Variants in PRELID2 observed in about 807,000 individuals in gnomAD.
The protein encoded by PRELID2 is PRELI domain-containing protein 2.
In PRELID2, 25 loss-of-function variants were observed where a neutral mutation model predicts 28.4. The ratio of observed to expected loss-of-function variants is 0.88; its 90% CI spans 0.64 to 1.23. The LOEUF (loss-of-function observed/expected upper bound fraction) is 1.23, where lower values mean the gene tolerates loss of function less well. Ranked by LOEUF, PRELID2 falls within the 50% of genes most tolerant of loss-of-function variation. The probability of loss-of-function intolerance (pLI) is 0.00; values close to 1 mark genes in which losing one functional copy is unlikely to be tolerated. For missense variants in PRELID2, 201 were observed against 214.4 expected, an observed-to-expected ratio of 0.94 and a Z score of 0.39; for synonymous variants, 76 against 71.6, an observed-to-expected ratio of 1.06 and a Z score of -0.31.
At chr5:145,313,478 C>T in the PRELID2 span, among the ~76,000 whole-genome samples, 1 of 152,302 alleles carries the variant, frequency 6.6e-6, no homozygotes, top group Admixed American at 6.5e-5. Context: ...AAAACCTGTT[C>T]ACCTTAGAAT....
chr5:145,279,599 T>C, the PRELID2 span, among the ~76,000 whole-genome samples: 1 of 152,292 alleles, frequency 6.6e-6, no homozygotes, highest in African/African-American at 2.4e-5. Flanking sequence ...GTGCCTAAAA[T>C]TAACATTATA....
chr5:145,797,380 C>T (rs1164689871), intron 4 of PRELID2, among the ~76,000 whole-genome samples: 4 of 152,106 alleles, frequency 2.6e-5, no homozygotes, highest in Non-Finnish European at 5.9e-5. Context: ...CTCCCTCCCA[C>T]CCAGCATAGT....
intron 1 of PRELID2, among the ~76,000 whole-genome samples, chr5:145,833,447 G>A (rs1022731517): frequency 5.9e-5 from 9 of 152,180 alleles, no homozygotes; most frequent in Non-Finnish European, 1.3e-4. Context: ...GGTGTTGGCT[G>A]TTACTTTTTG....
rs138935114 is a variant in PRELID2, at chr5:145,688,419, G to T, written n.70+76512C>A. Among the ~76,000 whole-genome samples, 69 of 152,286 alleles carry T rather than the reference G, an allele frequency of 4.5e-4. No homozygotes were observed. The East Asian group carries it at 0.013, about 28-fold the overall frequency. Reference sequence around the variant, plus strand: ...GAAAGCATGGAAATTTTCTAAGGAAGTCCTCGTCAAATATTTATTCAGCTA... The same window carrying T: ...GAAAGCATGGAAATTTTCTAAGGAATTCCTCGTCAAATATTTATTCAGCTA... On this transcript the variant is annotated intron_variant and non_coding_transcript_variant, in intron 1 of 2. Transcript: ENST00000510259.
chr5:145,434,477 C>T, the PRELID2 span, among the ~76,000 whole-genome samples: 1 of 152,188 alleles, frequency 6.6e-6, no homozygotes, highest in Non-Finnish European at 1.5e-5. Context: ...TACAGAGACA[C>T]AGACACACCA....
At chr5:145,800,888 C>G (rs1484724546) in intron 4 of PRELID2, among the ~76,000 whole-genome samples, 1 of 152,104 alleles carries the variant, frequency 6.6e-6, no homozygotes, top group African/African-American at 2.4e-5. Flanking sequence ...GAATTAATCT[C>G]CATTTAAGTT....
At chr5:145,707,079 A>C (rs984019520) in intron 1 of PRELID2, among the ~76,000 whole-genome samples, 2 of 152,210 alleles carry the variant, frequency 1.3e-5, no homozygotes, top group African/African-American at 4.8e-5. Context: ...GAAAAAATTT[A>C]TTAAGCATCT....
chr5:145,373,883 TG>T, the PRELID2 span, among the ~76,000 whole-genome samples: 2 of 54,038 alleles, frequency 3.7e-5, 1 homozygote, highest in East Asian at 7.4e-3. Context: ...ATAATATATA[TG>T]ATATTATATA....
chr5:145,475,261 A>G (rs1451878683), intron 1 of PRELID2, among the ~76,000 whole-genome samples: 3 of 152,264 alleles, frequency 2.0e-5, no homozygotes, highest in African/African-American at 7.2e-5. Context: ...GTGATCTAAC[A>G]TTCCTTGAAA....
the PRELID2 span, among the ~76,000 whole-genome samples, chr5:145,295,475 G>A: frequency 6.6e-6 from 1 of 152,086 alleles, no homozygotes; most frequent in African/African-American, 2.4e-5. Flanking sequence ...CTGTTTTGCT[G>A]CAATAAACAA....
At chr5:145,821,278 T>G (rs1443915564) in intron 2 of PRELID2, among the ~76,000 whole-genome samples, 1 of 150,150 alleles carries the variant, frequency 6.7e-6, no homozygotes, top group Non-Finnish European at 1.5e-5. Context: ...TAAGCCCTCT[T>G]CTGTGTGTTT....
chr5:145,654,159 T>C (rs1456590462), intron 1 of PRELID2, among the ~76,000 whole-genome samples: 5 of 152,088 alleles, frequency 3.3e-5, no homozygotes, highest in Non-Finnish European at 7.4e-5. Flanking sequence ...AAGAAATGGA[T>C]AAATTCCTGG....
At chr5:145,675,642 G>C (rs1754799347) in intron 1 of PRELID2, among the ~76,000 whole-genome samples, 1 of 151,680 alleles carries the variant, frequency 6.6e-6, no homozygotes, top group Admixed American at 6.6e-5. Flanking sequence ...AACTGGTTTA[G>C]TGGTCTGCAA....
chr5:145,482,124 C>G (rs1202878165), intron 1 of PRELID2, among the ~76,000 whole-genome samples: 3 of 152,066 alleles, frequency 2.0e-5, no homozygotes, highest in African/African-American at 7.2e-5. Flanking sequence ...TTCTAAGGTT[C>G]ATGTAGCTGT....
At chr5:145,601,814 A>T (rs1432935237) in intron 1 of PRELID2, among the ~76,000 whole-genome samples, 1 of 152,182 alleles carries the variant, frequency 6.6e-6, no homozygotes, top group Non-Finnish European at 1.5e-5. Flanking sequence ...AATCCTAGAA[A>T]ACACAATTAG....
chr5:145,305,550 G>T, the PRELID2 span, among the ~76,000 whole-genome samples: 1 of 152,116 alleles, frequency 6.6e-6, no homozygotes, highest in Non-Finnish European at 1.5e-5. Context: ...TTGAGGGCAG[G>T]CCATGGGTAA....
intron 5 of PRELID2, among the ~76,000 whole-genome samples, chr5:145,777,952 C>T (rs1758519412): frequency 6.6e-6 from 1 of 152,198 alleles, no homozygotes; most frequent in Admixed American, 6.5e-5. Context: ...CCATGAATGG[C>T]AGCAGGAGGC....
chr5:145,389,585 C>T, the PRELID2 span, among the ~76,000 whole-genome samples: 2 of 152,110 alleles, frequency 1.3e-5, no homozygotes, highest in Non-Finnish European at 2.9e-5. Context: ...GTGGTAACAA[C>T]TCTATTTAAC....
At chr5:145,563,666 T>G (rs1259419297) in intron 1 of PRELID2, among the ~76,000 whole-genome samples, 1 of 152,182 alleles carries the variant, frequency 6.6e-6, no homozygotes, top group East Asian at 1.9e-4. Flanking sequence ...GTAAGTGAAG[T>G]AAGCCAGACG....
Sources: allele counts gnomAD v4.1 joint callset (sites outside exome capture counted in the v4.1 genomes callset), GRCh38; gene constraint gnomAD v4.1.1; transcripts MANE v1.5; gene names NCBI Gene and HGNC (gene_info 2026-07-23, HGNC 2026-07-21).